PDGFD: variants seen among roughly 807,000 people sequenced by gnomAD.
PDGFD encodes platelet-derived growth factor D.
Under a neutral mutation model 44.7 loss-of-function variants are expected in PDGFD, and 30 were observed. That is an observed-to-expected ratio of 0.67 (90% CI 0.50 to 0.91). The LOEUF (loss-of-function observed/expected upper bound fraction) is 0.91. Ranked by LOEUF, PDGFD falls within the 40% of genes least tolerant of loss-of-function variation. The probability of loss-of-function intolerance (pLI) is 0.00; values close to 1 mark genes in which losing one functional copy is unlikely to be tolerated. For missense variants in PDGFD, 445 were observed against 457.8 expected (o/e 0.97, Z 0.25); for synonymous variants, 173 against 168.4 (o/e 1.03, Z -0.21).
chr11:103,910,441 C>A (rs541531580), intron 6 of PDGFD, among the ~76,000 whole-genome samples: 1 of 152,124 alleles, frequency 6.6e-6, no homozygotes, highest in Non-Finnish European at 1.5e-5. Flanking sequence ...GTGCAGCCCA[C>A]GGAAGGTGAG....
intron 6 of PDGFD, among the ~76,000 whole-genome samples, chr11:103,921,349 T>C (rs896887663): frequency 6.6e-6 from 1 of 152,242 alleles, no homozygotes; most frequent in Non-Finnish European, 1.5e-5. Context: ...ATTTATTTTC[T>C]GTTTCTTTGG....
intron 1 of PDGFD, among the ~76,000 whole-genome samples, chr11:104,095,888 T>C (rs148845200): frequency 3.3e-5 from 5 of 152,324 alleles, no homozygotes; most frequent in African/African-American, 1.2e-4. Flanking sequence ...CTTACTGATA[T>C]ATGAGGAGAT....
intron 3 of PDGFD, among the ~76,000 whole-genome samples, chr11:103,987,387 A>G (rs370967357): frequency 7.2e-5 from 11 of 152,128 alleles, no homozygotes; most frequent in Admixed American, 3.3e-4. Flanking sequence ...GCTAAGCACA[A>G]TGTACCTCCT....
At chr11:104,024,900 T>C (rs995807809) in intron 1 of PDGFD, among the ~76,000 whole-genome samples, 2 of 152,236 alleles carry the variant, frequency 1.3e-5, no homozygotes, top group African/African-American at 2.4e-5. Context: ...ATATGAAGCA[T>C]GTCCTCCCAA....
At chr11:103,925,942 T>C (rs1157845832) in intron 6 of PDGFD, among the ~76,000 whole-genome samples, 1 of 151,984 alleles carries the variant, frequency 6.6e-6, no homozygotes, top group Non-Finnish European at 1.5e-5. Context: ...TTGGCCACGC[T>C]GTTCTTGAAC....
chr11:104,107,370 C>A (rs1004577161), intron 1 of PDGFD, among the ~76,000 whole-genome samples: 1 of 152,052 alleles, frequency 6.6e-6, no homozygotes, highest in East Asian at 1.9e-4. Flanking sequence ...CATCCTGTAA[C>A]CACAAAGAAC....
chr11:103,927,590 G>T (rs1230207437), intron 5 of PDGFD, among the ~76,000 whole-genome samples: 1 of 151,998 alleles, frequency 6.6e-6, no homozygotes, highest in Non-Finnish European at 1.5e-5. Flanking sequence ...TATTTACCTG[G>T]CAGTGAAATT....
intron 1 of PDGFD, among the ~76,000 whole-genome samples, chr11:104,130,777 T>C (rs1861908439): frequency 6.6e-6 from 1 of 152,184 alleles, no homozygotes; most frequent in Non-Finnish European, 1.5e-5. Context: ...TCCCCTCCCC[T>C]GGCTACAGCT....
intron 3 of PDGFD, among the ~76,000 whole-genome samples, chr11:103,954,273 A>G (rs1406668279): frequency 6.6e-6 from 1 of 152,220 alleles, no homozygotes; most frequent in Non-Finnish European, 1.5e-5. Flanking sequence ...CACATATTCA[A>G]CCACGTACTG....
chr11:103,938,556 T>G (rs1400551650), intron 5 of PDGFD, among the ~76,000 whole-genome samples: 5 of 152,166 alleles, frequency 3.3e-5, no homozygotes, highest in African/African-American at 4.8e-5. Context: ...CTCTTTAGTT[T>G]AATTAGATCC....
chr11:104,003,110 A>G (rs914138331), intron 1 of PDGFD, among the ~76,000 whole-genome samples: 4 of 152,228 alleles, frequency 2.6e-5, no homozygotes, highest in Non-Finnish European at 5.9e-5. Context: ...TTGGAAAAAA[A>G]AGTTGATGCA....
chr11:104,112,483 G>C (rs1861573286), intron 1 of PDGFD, among the ~76,000 whole-genome samples: 1 of 151,992 alleles, frequency 6.6e-6, no homozygotes, highest in African/African-American at 2.4e-5. Context: ...AAGACATCAA[G>C]ACAGAAATAC....
intron 3 of PDGFD, among the ~76,000 whole-genome samples, chr11:103,960,517 T>A (rs1858919313): frequency 6.6e-6 from 1 of 152,204 alleles, no homozygotes; most frequent in African/African-American, 2.4e-5. Context: ...CCAAAGTATG[T>A]AAGTCATTGA....
rs555485962 is a variant in PDGFD, at chr11:103,980,424, T to C, written c.510+15641A>G. Among the ~76,000 whole-genome samples the C allele has an allele frequency of 2.0e-5, 3 of 152,244 alleles. No homozygotes were observed. The South Asian group carries it at 6.2e-4, about 32-fold the overall frequency. ...TGTCAAAGGTATATTTCAGCTATTT[T>C]CATGAGTAATTCAAAAGGGACTGAC... On this transcript the variant is annotated intron_variant, in intron 3 of 6. Transcript: ENST00000393158.
Position 103,954,199 on chromosome 11 carries a change from G to C in PDGFD, c.511-6475C>G, listed in dbSNP as rs61059436. Among the ~76,000 whole-genome samples, 4 of 152,298 alleles carry C rather than the reference G, an allele frequency of 2.6e-5. No homozygotes were observed. In the East Asian group the frequency reaches 5.8e-4, roughly 22 times the overall value. Reference sequence around the variant, plus strand: ...TTGGATATCTTGGGCCCATGCCAGAGAGGACAGTTGATATATTACAAGCTA... The same window carrying C: ...TTGGATATCTTGGGCCCATGCCAGACAGGACAGTTGATATATTACAAGCTA... On this transcript the variant is annotated intron_variant, in intron 3 of 6. Coordinates refer to ENST00000393158, the MANE Select transcript of PDGFD (RefSeq NM_025208.5).
intron 1 of PDGFD, among the ~76,000 whole-genome samples, chr11:104,139,689 A>G (rs1862056747): frequency 6.6e-6 from 1 of 152,206 alleles, no homozygotes; most frequent in Non-Finnish European, 1.5e-5. Context: ...ACTCTTCCCT[A>G]GAAACCAGCA....
At chr11:103,927,795 A>T (rs1338991774) in intron 5 of PDGFD, among the ~76,000 whole-genome samples, 1 of 152,174 alleles carries the variant, frequency 6.6e-6, no homozygotes, top group Non-Finnish European at 1.5e-5. Context: ...CAATCACATC[A>T]TGGCTATGTT....
intron 2 of PDGFD, 149 bp from the exon 3 acceptor site, chr11:103,996,394 A>G: frequency 1.3e-6 from 1 of 798,646 alleles, no homozygotes. Flanking sequence ...TTAAAAGGAA[A>G]ACTGGTTTTT....
intron 1 of PDGFD, among the ~76,000 whole-genome samples, chr11:104,084,080 G>A (rs1283778338): frequency 6.6e-6 from 1 of 152,170 alleles, no homozygotes; most frequent in Non-Finnish European, 1.5e-5. Context: ...ACGGATTAGT[G>A]CATTTGCTCA....
Sources: gnomAD v4.1 joint callset for allele counts (sites outside exome capture counted in the v4.1 genomes callset) on GRCh38, gnomAD v4.1.1 for gene constraint, MANE v1.5 for transcripts, NCBI Gene and HGNC (gene_info 2026-07-23, HGNC 2026-07-21) for gene names.